Variants in NOS1AP observed in about 807,000 individuals in gnomAD.
NOS1AP encodes nitric oxide synthase 1 adaptor protein.
In NOS1AP, 21 loss-of-function variants were observed where a neutral mutation model predicts 56.2. The observed-to-expected ratio is 0.37, with a 90% CI of 0.26 to 0.54. NOS1AP has a LOEUF of 0.54. Among genes scored for constraint, NOS1AP ranks in the 20% least tolerant of loss-of-function variants. The pLI is 0.84. For missense variants in NOS1AP, 522 were observed against 657.8 expected, an observed-to-expected ratio of 0.79 and a Z score of 2.26; for synonymous variants, 270 against 274.6, an observed-to-expected ratio of 0.98 and a Z score of 0.17.
At chr1:162,252,476 G>A (rs1217158353) in intron 2 of NOS1AP, among the ~76,000 whole-genome samples, 1 of 152,186 alleles carries the variant, frequency 6.6e-6, no homozygotes, top group Non-Finnish European at 1.5e-5. Flanking sequence ...TTCAAGGGGA[G>A]GTAGTATGAA....
Position 162,262,400 on chromosome 1 carries a change from T to C in NOS1AP, c.178-24944T>C, listed in dbSNP as rs142933330. On this transcript the variant is annotated intron_variant, in intron 2 of 9. Transcript: ENST00000361897. ...CAACTTTGTTCACAGATGCTGGAGG[T>C]TCTCACAGATTATCTCATTAAATCT... Among the ~76,000 whole-genome samples, 20 of 152,258 alleles carry C rather than the reference T, an allele frequency of 1.3e-4. No homozygotes were observed. The East Asian group carries it at 3.3e-3, about 25-fold the overall frequency.
intron 1 of NOS1AP, among the ~76,000 whole-genome samples, chr1:162,095,900 T>C (rs1476333808): frequency 6.6e-6 from 1 of 152,222 alleles, no homozygotes; most frequent in Admixed American, 6.5e-5. Flanking sequence ...AGACTACTTA[T>C]CATGTGGAAT....
At chr1:162,202,440 G>T (rs10732285) in intron 2 of NOS1AP, among the ~76,000 whole-genome samples, 150,032 of 152,258 alleles carry the variant, frequency 0.99, 73,958 homozygotes, top group East Asian at 1. Context: ...TCTTACATTT[G>T]ATGTAAAATA....
chr1:162,141,025 G>A (rs909293169), intron 1 of NOS1AP, among the ~76,000 whole-genome samples: 1 of 152,180 alleles, frequency 6.6e-6, no homozygotes, highest in Non-Finnish European at 1.5e-5. Flanking sequence ...GCCTTTGTCG[G>A]ATGCAAAGTT....
At chr1:162,303,904 C>CTTTTTTTTTTTT (rs35658165) in intron 4 of NOS1AP, among the ~76,000 whole-genome samples, 2 of 110,684 alleles carry the variant, frequency 1.8e-5, no homozygotes, top group East Asian at 2.5e-4. Context: ...TCTGGCTTGT[C>CTTTTTTTTTTTT]TTTTTTTTTT....
intron 2 of NOS1AP, among the ~76,000 whole-genome samples, chr1:162,180,179 C>T (rs894689586): frequency 5.3e-5 from 8 of 152,192 alleles, no homozygotes; most frequent in African/African-American, 1.9e-4. Flanking sequence ...CACCCGGTGA[C>T]CTCCAATGTG....
At chr1:162,263,102 G>A (rs115370959) in intron 2 of NOS1AP, among the ~76,000 whole-genome samples, 1,631 of 152,150 alleles carry the variant, frequency 0.011, 26 homozygotes, top group African/African-American at 0.034. Context: ...ACTATATATC[G>A]CACTCTTCTG....
At chr1:162,135,213 G>A (rs573228401) in intron 1 of NOS1AP, among the ~76,000 whole-genome samples, 19 of 152,236 alleles carry the variant, frequency 1.2e-4, no homozygotes, top group Non-Finnish European at 2.2e-4. Flanking sequence ...TACTGTTAAC[G>A]TTTAGAAGAC....
intron 2 of NOS1AP, among the ~76,000 whole-genome samples, chr1:162,166,928 A>G (rs1252334223): frequency 6.6e-6 from 1 of 152,164 alleles, no homozygotes; most frequent in East Asian, 1.9e-4. Flanking sequence ...CTCCTCGCCT[A>G]CTAATGCGGG....
At chr1:162,112,346 C>G (rs1325899262) in intron 1 of NOS1AP, among the ~76,000 whole-genome samples, 1 of 152,098 alleles carries the variant, frequency 6.6e-6, no homozygotes, top group Non-Finnish European at 1.5e-5. Context: ...TGTCATCTCA[C>G]GTTAAGAGCA....
chr1:162,145,385 C>T (rs557782495), intron 1 of NOS1AP, among the ~76,000 whole-genome samples: 13 of 152,056 alleles, frequency 8.5e-5, no homozygotes, highest in Non-Finnish European at 1.8e-4. Context: ...ACCTGGAGAG[C>T]CCCGAGCAAG....
At chr1:162,225,071 C>T (rs1437351125) in intron 2 of NOS1AP, among the ~76,000 whole-genome samples, 2 of 152,298 alleles carry the variant, frequency 1.3e-5, no homozygotes, top group South Asian at 4.1e-4. Flanking sequence ...GTGATATTTG[C>T]CACTTTTCAC....
chr1:162,308,256 G>C (rs534685974), intron 4 of NOS1AP, among the ~76,000 whole-genome samples: 3 of 152,210 alleles, frequency 2.0e-5, no homozygotes, highest in Non-Finnish European at 4.4e-5. Flanking sequence ...CAGGTGCAGG[G>C]AAAACAGAAA....
chr1:162,142,021 C>T (rs1649256633), intron 1 of NOS1AP, among the ~76,000 whole-genome samples: 1 of 150,946 alleles, frequency 6.6e-6, no homozygotes, highest in South Asian at 2.1e-4. Context: ...AAGCTTTGTA[C>T]TGGGCGCTCA....
intron 1 of NOS1AP, among the ~76,000 whole-genome samples, chr1:162,096,144 CAAGCATCTCCT>C (rs1204372718): frequency 6.6e-6 from 1 of 152,196 alleles, no homozygotes; most frequent in Non-Finnish European, 1.5e-5. Context: ...AAATATTAAT[CAAGCATCTCCT>C]AAGTATAGGC....
At position 162,075,922 on chromosome 1, in the gene NOS1AP, C is replaced by G. The variant is rs547287160; in HGVS notation, c.105+5640C>G. Among the ~76,000 whole-genome samples the G allele has an allele frequency of 7.2e-5, 11 of 152,298 alleles. No homozygotes were observed. The South Asian group carries it at 2.3e-3, about 32-fold the overall frequency. On this transcript the variant is annotated intron_variant, in intron 1 of 9. Transcript: ENST00000361897. The stretch of plus-strand genomic sequence containing the variant: ...TGGGATTTGATGGACAAATCTATTT[C>G]CACGTTAGCTGTACATTTCATGATT...
At chr1:162,168,083 C>T (rs1650588670) in intron 2 of NOS1AP, among the ~76,000 whole-genome samples, 1 of 151,842 alleles carries the variant, frequency 6.6e-6, no homozygotes, top group Non-Finnish European at 1.5e-5. Context: ...AAGCGTTTTG[C>T]CTGTAGCAAC....
At chr1:162,261,057 A>G (rs1654194724) in intron 2 of NOS1AP, among the ~76,000 whole-genome samples, 1 of 123,814 alleles carries the variant, frequency 8.1e-6, no homozygotes, top group African/African-American at 3.2e-5. Flanking sequence ...AAGATGACTA[A>G]TATAACAAAT....
At chr1:162,301,667 G>C (rs759705937) in intron 4 of NOS1AP, among the ~76,000 whole-genome samples, 1 of 152,190 alleles carries the variant, frequency 6.6e-6, no homozygotes, top group Admixed American at 6.5e-5. Context: ...ACAGGAGCTC[G>C]AGTCATGGGT....
Sources: allele counts gnomAD v4.1 joint callset (sites outside exome capture counted in the v4.1 genomes callset), GRCh38; gene constraint gnomAD v4.1.1; transcripts MANE v1.5; gene names NCBI Gene and HGNC (gene_info 2026-07-23, HGNC 2026-07-21).